MECOM: variants seen among roughly 807,000 people sequenced by gnomAD.
MECOM encodes histone-lysine N-methyltransferase MECOM.
MECOM carries 13 observed loss-of-function variants against 116.3 expected under a neutral mutation model. The observed-to-expected ratio is 0.11, with a 90% CI of 0.07 to 0.18. The LOEUF is 0.18. Among genes scored for constraint, MECOM ranks in the 10% least tolerant of loss-of-function variants. The pLI is 1.00. For missense variants in MECOM, 1,299 were observed against 1,509.0 expected (o/e 0.86, Z 2.31); for synonymous variants, 528 against 535.2 (o/e 0.99, Z 0.19).
At chr3:169,324,865 G>A (rs1721577049) in intron 2 of MECOM, among the ~76,000 whole-genome samples, 1 of 152,100 alleles carries the variant, frequency 6.6e-6, no homozygotes, top group South Asian at 2.1e-4. Context: ...TATTTCCACA[G>A]CCTCTTCCCT....
intron 2 of MECOM, among the ~76,000 whole-genome samples, chr3:169,342,077 TGTTCTGTATATACTTTTCAA>T (rs1724645723): frequency 1.3e-5 from 2 of 152,132 alleles, no homozygotes; most frequent in Non-Finnish European, 1.5e-5. Flanking sequence ...GGTATAAGTA[TGTTCTGTATATACTTTTCAA>T]GATAATTTTT....
chr3:169,637,784 A>G (rs1434644185), intron 1 of MECOM, among the ~76,000 whole-genome samples: 1 of 152,234 alleles, frequency 6.6e-6, no homozygotes, highest in African/African-American at 2.4e-5. Context: ...CAAATTAAAA[A>G]TCAATAGATG....
intron 1 of MECOM, among the ~76,000 whole-genome samples, chr3:169,657,445 T>C (rs1409997037): frequency 6.6e-6 from 1 of 152,228 alleles, no homozygotes; most frequent in East Asian, 1.9e-4. Flanking sequence ...ATGCTGTAGC[T>C]TTTATGAAAG....
chr3:169,360,295 A>T (rs1271588489), intron 2 of MECOM, among the ~76,000 whole-genome samples: 2 of 132,588 alleles, frequency 1.5e-5, no homozygotes, highest in Non-Finnish European at 3.1e-5. Flanking sequence ...TATAATAAAA[A>T]AAAAAAAAAA....
intron 2 of MECOM, among the ~76,000 whole-genome samples, chr3:169,376,434 C>T (rs1375727993): frequency 1.3e-5 from 2 of 152,086 alleles, no homozygotes; most frequent in South Asian, 4.1e-4. Context: ...AAAATTCCAT[C>T]GTCTAAGCCC....
intron 1 of MECOM, among the ~76,000 whole-genome samples, chr3:169,594,611 G>C (rs1401858231): frequency 6.6e-6 from 1 of 151,470 alleles, no homozygotes; most frequent in Non-Finnish European, 1.5e-5. Context: ...TCTCAAGTCT[G>C]AGCCTCCTCT....
At chr3:169,092,601 T>C (rs1184195458) in intron 14 of MECOM, among the ~76,000 whole-genome samples, 1 of 152,076 alleles carries the variant, frequency 6.6e-6, no homozygotes, top group Non-Finnish European at 1.5e-5. Context: ...ACAGATTCTA[T>C]TCAGCTATCA....
At position 169,152,255 on chromosome 3, in the gene MECOM, T is replaced by A. The variant is rs115770836; in HGVS notation, c.376-8423A>T. ...TTTTTATTTTTTTTAAATTATTATT[T>A]TTTTTATCTATTGGGGTGTGCTGTT... On this transcript the variant is annotated intron_variant, in intron 2 of 16. Transcript: ENST00000651503. 8.3e-3 allele frequency among the ~76,000 whole-genome samples: 1,259 copies of A among 152,194 alleles called. 9 individuals carry two copies. Among genetic ancestry groups the A allele is most frequent in the South Asian group, 0.021 (102 of 4,816 alleles).
chr3:169,365,897 G>T (rs1051980704), intron 2 of MECOM, among the ~76,000 whole-genome samples: 7 of 151,996 alleles, frequency 4.6e-5, no homozygotes, highest in African/African-American at 1.7e-4. Context: ...TAAGGTGTGT[G>T]TTTCTGTTTC....
chr3:169,085,312 A>G (rs1717316535), intron 16 of MECOM, among the ~76,000 whole-genome samples: 1 of 152,184 alleles, frequency 6.6e-6, no homozygotes, highest in Non-Finnish European at 1.5e-5. Context: ...ATTGAGAAAA[A>G]TGAGTCAGTC....
chr3:169,227,656 G>C (rs1363758311), intron 2 of MECOM, among the ~76,000 whole-genome samples: 4 of 152,106 alleles, frequency 2.6e-5, no homozygotes, highest in Non-Finnish European at 2.9e-5. Context: ...ACAAACTTTT[G>C]CCCAAGAAAT....
At chr3:169,536,566 A>T (rs1045578397) in intron 1 of MECOM, among the ~76,000 whole-genome samples, 1 of 151,964 alleles carries the variant, frequency 6.6e-6, no homozygotes, top group Non-Finnish European at 1.5e-5. Context: ...AAAAAAAAAG[A>T]AAAAGAAAAA....
chr3:169,224,296 G>A (rs1024208892), intron 2 of MECOM, among the ~76,000 whole-genome samples: 3 of 152,154 alleles, frequency 2.0e-5, no homozygotes, highest in African/African-American at 7.2e-5. Context: ...CAAAGGCCTG[G>A]CAGTGATAGA....
chr3:169,341,656 C>T (rs1401397326), intron 2 of MECOM, among the ~76,000 whole-genome samples: 1 of 151,300 alleles, frequency 6.6e-6, no homozygotes, highest in African/African-American at 2.4e-5. Context: ...AGGAGAATCG[C>T]TTGAACCTGG....
At chr3:169,097,316 C>T (rs1179783764) in intron 12 of MECOM, among the ~76,000 whole-genome samples, 1 of 152,034 alleles carries the variant, frequency 6.6e-6, no homozygotes, top group Non-Finnish European at 1.5e-5. Context: ...TACTTTCTAT[C>T]TCTCCTCTGC....
chr3:169,277,699 A>C lies in MECOM; in HGVS notation c.375+103488T>G, dbSNP rs1237782150. On this transcript the variant is annotated intron_variant, in intron 2 of 16. Coordinates refer to ENST00000651503, the MANE Select transcript of MECOM (RefSeq NM_004991.4). ...TTGAAGACAGGCAAGAGATCAGATC[A>C]AGCCTTCCAATATTTATTACTTTGG... Among the ~76,000 whole-genome samples, 3 of 152,202 alleles carry C rather than the reference A, an allele frequency of 2.0e-5. No individual in the cohort carries two copies. In the South Asian group the frequency reaches 6.2e-4, roughly 31 times the overall value.
At chr3:169,584,831 A>G (rs1198174364) in intron 1 of MECOM, among the ~76,000 whole-genome samples, 2 of 152,224 alleles carry the variant, frequency 1.3e-5, no homozygotes, top group Non-Finnish European at 2.9e-5. Flanking sequence ...CTGTATTCAC[A>G]TTTTAAAGAA....
intron 1 of MECOM, chr3:169,464,188 A>G (rs571718584): frequency 3.3e-5 from 5 of 152,288 alleles, no homozygotes; most frequent in Admixed American, 6.5e-5. Flanking sequence ...ATATGGCCAT[A>G]TTAAAGATTT....
At chr3:169,512,676 T>C (rs1275436808) in intron 1 of MECOM, among the ~76,000 whole-genome samples, 1 of 152,236 alleles carries the variant, frequency 6.6e-6, no homozygotes, top group African/African-American at 2.4e-5. Flanking sequence ...AAAGAATCAA[T>C]TAATGAATCA....
Sources: gnomAD v4.1 joint callset for allele counts (sites outside exome capture counted in the v4.1 genomes callset) on GRCh38, gnomAD v4.1.1 for gene constraint, MANE v1.5 for transcripts, NCBI Gene and HGNC (gene_info 2026-07-23, HGNC 2026-07-21) for gene names.